OR2C3: variants seen among roughly 807,000 people sequenced by gnomAD.
OR2C3 encodes the protein olfactory receptor family 2 subfamily C member 3, also known as olfactory receptor 2C3.
For synonymous variants in OR2C3, 178 were observed against 163.4 expected, an observed-to-expected ratio of 1.09 and a Z score of -0.68; for missense variants, 425 against 401.5, an observed-to-expected ratio of 1.06 and a Z score of -0.50.
Position 247,531,756 on chromosome 1 carries a change from A to C in OR2C3, c.756T>G (p.Phe252Leu). Reference protein sequence around the residue: ...CSSHVAVVSLFYGSIIFMYLQ... With the variant: ...CSSHVAVVSLLYGSIIFMYLQ... The stretch of plus-strand genomic sequence containing the variant: ...GATACATGAAGATGATGCTCCCGTA[A>C]AACAGAGACACCACAGCCACGTGGG... The change falls in exon 3 of 3, where the codon TTT (phenylalanine) becomes TTG (leucine). Residue 252 changes from phenylalanine (F) to leucine (L), a missense_variant. By Grantham distance (22) the Phe-to-Leu change is conservative. Coordinates refer to ENST00000641802, the MANE Select transcript of OR2C3 (RefSeq NM_198074.6). 6.2e-7 allele frequency: 1 copy of C among 1,614,168 alleles called. No homozygotes were observed. The highest frequency in any genetic ancestry group is 8.5e-7 in the Non-Finnish European group (1 of 1,180,026).
chr1:247,532,088 A>C lies in OR2C3; in HGVS notation c.424T>G (p.Cys142Gly). Residue 142 changes from cysteine (C) to glycine (G), a missense_variant, in exon 3 of 3, where the codon TGC (cysteine) becomes GGC (glycine). Coordinates refer to ENST00000641802, the MANE Select transcript of OR2C3 (RefSeq NM_198074.6). The stretch of plus-strand genomic sequence containing the variant: ...CAGGAGGCCAAAGCTAGCCCAAGGC[A>C]AAGCTGTGGATGCATAATGACAGTG... Reference protein sequence around the residue: ...HYTVIMHPQLCLGLALASWLG... With the variant: ...HYTVIMHPQLGLGLALASWLG... The C allele has an allele frequency of 6.2e-7, 1 of 1,614,054 alleles. No individual in the cohort carries two copies. Among genetic ancestry groups the C allele is most frequent in the Non-Finnish European group, 8.5e-7 (1 of 1,179,950 alleles).
intron 2 of OR2C3, 54 bp from the exon 3 acceptor site, chr1:247,532,594 G>T: frequency 8.0e-7 from 1 of 1,247,974 alleles, no homozygotes; most frequent in Non-Finnish European, 1.1e-6. Context: ...AATTACATCA[G>T]TTAGCAAACA....
intron 1 of OR2C3, among the ~76,000 whole-genome samples, chr1:247,535,964 T>A (rs1041646628): frequency 3.3e-5 from 5 of 152,210 alleles, no homozygotes; most frequent in Non-Finnish European, 5.9e-5. Context: ...TTGTCTGAGT[T>A]AACTAGGCAG....
At position 247,533,555 on chromosome 1, in the gene OR2C3, G is replaced by C. The variant is rs12563814; in HGVS notation, c.-78C>G. 0.92 allele frequency: 139,843 copies of C among 152,252 alleles called. 64,529 individuals are homozygous for C. Among genetic ancestry groups the C allele is most frequent in the Non-Finnish European group, 0.96 (65,513 of 68,044 alleles). The allele number at this position is 152,252 out of a possible 1,614,324, so 9.4% of individuals were successfully genotyped here. A position where few individuals can be genotyped will look rare whatever the true frequency, so the allele number is the denominator to read the frequency against. On this transcript the variant is annotated 5_prime_UTR_variant, in exon 2 of 3. Coordinates refer to ENST00000641802, the MANE Select transcript of OR2C3 (RefSeq NM_198074.6). ...ACCTCCATTCCAGAGAGGTCTTATTGCATACCAAGAAAAAAGGAACACTGC... is the reference window on the plus strand; with the variant it reads ...ACCTCCATTCCAGAGAGGTCTTATTCCATACCAAGAAAAAAGGAACACTGC...
At position 247,530,565 on chromosome 1, in the gene OR2C3, T is replaced by C. The variant is rs1666890513; in HGVS notation, c.*984A>G. 1 of 148,904 alleles carries C rather than the reference T, an allele frequency of 6.7e-6. No homozygotes were observed. The highest frequency in any genetic ancestry group is 1.5e-5 in the Non-Finnish European group (1 of 67,046). The allele number at this position is 148,904 out of a possible 1,614,324, so 9.2% of individuals were successfully genotyped here. A position where few individuals can be genotyped will look rare whatever the true frequency, so the allele number is the denominator to read the frequency against. On this transcript the variant is annotated 3_prime_UTR_variant, in exon 3 of 3. Coordinates refer to ENST00000641802, the MANE Select transcript of OR2C3 (RefSeq NM_198074.6). ...TCCTATGAATTTTAACAAAAAGTTA[T>C]TTACAAAATGTGTCATTTTACTACC...
chr1:247,536,044 T>C (rs2103013937), intron 1 of OR2C3, 124 bp downstream of exon 1: 1 of 152,274 alleles, frequency 6.6e-6, no homozygotes, highest in East Asian at 1.9e-4. Flanking sequence ...AATCAGATCA[T>C]TTAAACGGAT....
At position 247,532,316 on chromosome 1, in the gene OR2C3, T is replaced by C; in HGVS notation, c.196A>G (p.Asn66Asp). The C allele has an allele frequency of 6.2e-7, 1 of 1,614,150 alleles. No individual in the cohort carries two copies. Among genetic ancestry groups the C allele is most frequent in the Non-Finnish European group, 8.5e-7 (1 of 1,180,024 alleles). ...AAGCTCATGTCCAGGAAGGGGAGGTTGGCAAGAAAGAAGTACATAGGTGTG... is the reference window on the plus strand; with the variant it reads ...AAGCTCATGTCCAGGAAGGGGAGGTCGGCAAGAAAGAAGTACATAGGTGTG... ...LHTPMYFFLA[N>D]LPFLDMSFTT... is the part of the protein sequence containing the mutation. The change falls in exon 3 of 3, where the codon AAC becomes GAC. Residue 66 changes from asparagine to aspartate, a missense_variant. Transcript: ENST00000641802.
At position 247,530,522 on chromosome 1, in the gene OR2C3, C is replaced by CCCG. The variant is rs961972925; in HGVS notation, c.*1026_*1027insCGG. On this transcript the variant is annotated 3_prime_UTR_variant, in exon 3 of 3. Coordinates refer to ENST00000641802, the MANE Select transcript of OR2C3 (RefSeq NM_198074.6). ...AGTCCACAAACACCATGCCATCCCC[C>CCCG]CCCCACAAAATAACATTTCCTATGA... The CCCG allele has an allele frequency of 2.8e-5, 4 of 140,448 alleles. No individual in the cohort carries two copies. The highest frequency in any genetic ancestry group is 3.6e-3 in the Middle Eastern group (1 of 278). 8.7% of individuals were successfully genotyped at this position (140,448 alleles called of 1,614,324 possible).
chr1:247,532,987 C>T (rs1278327982), intron 2 of OR2C3, among the ~76,000 whole-genome samples: 1 of 152,078 alleles, frequency 6.6e-6, no homozygotes, highest in Non-Finnish European at 1.5e-5. Context: ...AAATGTTTAG[C>T]AATAAAGGGT....
In OR2C3 at chr1:247,531,765, C is replaced by T. The variant is rs1666972306; in HGVS notation, c.747G>A (p.Val249=). Reference sequence around the variant, plus strand: ...AGATGATGCTCCCGTAAAACAGAGACACCACAGCCACGTGGGAAGAACAGG... The same window carrying T: ...AGATGATGCTCCCGTAAAACAGAGATACCACAGCCACGTGGGAAGAACAGG... The part of the protein sequence containing the change: ...FNTCSSHVAV[V]SLFYGSIIFM... Residue 249 remains valine (V), a synonymous_variant, in exon 3 of 3, where the codon GTG becomes GTA. Transcript: ENST00000641802. 1.2e-6 allele frequency: 2 copies of T among 1,614,186 alleles called. No individual in the cohort carries two copies. Among genetic ancestry groups the T allele is most frequent in the East Asian group, 2.2e-5 (1 of 44,886 alleles).
At position 247,531,821 on chromosome 1, in the gene OR2C3, A is replaced by C. The variant is rs778690362; in HGVS notation, c.691T>G (p.Ser231Ala). ...HIARAVLKIR[S>A]AEGRRKAFNT... ...AATGCCTTTCTCCGCCCTTCTGCTG[A>C]CCTGATCTTCAACACGGCCCGGGCA... is the stretch of plus-strand genomic sequence containing the variant. Residue 231 changes from serine (S) to alanine (A), a missense_variant, in exon 3 of 3, where the codon TCA (serine) becomes GCA (alanine). Physicochemically the swap from Ser to Ala is moderately conservative, Grantham distance 99. Transcript: ENST00000641802. The C allele has an allele frequency of 5.6e-6, 9 of 1,614,144 alleles. No homozygotes were observed. In the Admixed American group the frequency reaches 1.5e-4, roughly 27 times the overall value.
In OR2C3 at chr1:247,531,698, C is replaced by G; in HGVS notation, c.814G>C (p.Gly272Arg). Residue 272 changes from glycine (G) to arginine (R), a missense_variant, in exon 3 of 3, where the codon GGC (glycine) becomes CGC (arginine). Gly to Arg is a moderately radical substitution (Grantham distance 125, BLOSUM62 -2). Coordinates refer to ENST00000641802, the MANE Select transcript of OR2C3 (RefSeq NM_198074.6). ...GTGTAGAACAGAGCTATGAACTTGC[C>G]CTGCTCATGGGAGGTGCTCTTGGCT... ...QPAKSTSHEQ[G>R]KFIALFYTVV... The G allele has an allele frequency of 6.2e-7, 1 of 1,614,148 alleles. No individual in the cohort carries two copies. The highest frequency in any genetic ancestry group is 8.5e-7 in the Non-Finnish European group (1 of 1,180,024).
rs1017431078 is a variant in OR2C3, at chr1:247,530,849, C to T, written c.*700G>A. The T allele has an allele frequency of 4.8e-5, 4 of 83,254 alleles. No homozygotes were observed. Among genetic ancestry groups the T allele is most frequent in the African/African-American group, 1.2e-4 (3 of 24,896 alleles). 5.2% of individuals were successfully genotyped at this position (83,254 alleles called of 1,614,324 possible). On this transcript the variant is annotated 3_prime_UTR_variant, in exon 3 of 3. Transcript: ENST00000641802. ...TCGCCCTCCACAGCCTAACGGCCTC[C>T]GGGCGCATTTGGGCGGCGCCATGTT...
chr1:247,532,600 A>G, intron 2 of OR2C3, 60 bp from the exon 3 acceptor site: 1 of 1,215,486 alleles, frequency 8.2e-7, no homozygotes, highest in Non-Finnish European at 1.2e-6. Context: ...ATCAGTTAGC[A>G]AACATTAAAA....
rs771595144 is a variant in OR2C3, at chr1:247,532,285, G to C, written c.227C>G (p.Thr76Arg). 3.7e-6 allele frequency: 6 copies of C among 1,614,072 alleles called. No individual in the cohort carries two copies. Among genetic ancestry groups the C allele is most frequent in the South Asian group, 3.3e-5 (3 of 91,088 alleles). Residue 76 changes from threonine to arginine, a missense_variant, in exon 3 of 3, where the codon ACG becomes AGG. Physicochemically the swap from Thr to Arg is moderately conservative, Grantham distance 71. Transcript: ENST00000641802. ...NLPFLDMSFT[T>R]SIVPQLLANL... ...AGCCAGGAGCTGTGGGACAATGCTC[G>C]TGGTGAAGCTCATGTCCAGGAAGGG...
At position 247,532,582 on chromosome 1, in the gene OR2C3, G is replaced by A. The variant is rs1471880364; in HGVS notation, c.-29-42C>T. The A allele has an allele frequency of 7.3e-6, 10 of 1,372,652 alleles. 1 individual carries two copies. The African/African-American group carries it at 1.0e-4, about 14-fold the overall frequency. 85.0% of individuals were successfully genotyped at this position (1,372,652 alleles called of 1,614,324 possible). Reference sequence around the variant, plus strand: ...GGGCATACAGGGCATGAGACATGAAGCAATTACATCAGTTAGCAAACATTA... The same window carrying A: ...GGGCATACAGGGCATGAGACATGAAACAATTACATCAGTTAGCAAACATTA... On this transcript the variant is annotated intron_variant, in intron 2 of 2. Coordinates refer to ENST00000641802, the MANE Select transcript of OR2C3 (RefSeq NM_198074.6).
chr1:247,533,207 C>A (rs1667079353), intron 2 of OR2C3, among the ~76,000 whole-genome samples: 1 of 152,178 alleles, frequency 6.6e-6, no homozygotes, highest in Non-Finnish European at 1.5e-5. Context: ...TAACTCATCT[C>A]TCTGCTTCTC....
In OR2C3 at chr1:247,525,903, CAAGGATTTTAGTAGT is replaced by C. The variant is rs1666663989; in HGVS notation, c.*5631_*5645del. On this transcript the variant is annotated 3_prime_UTR_variant, in exon 3 of 3. Coordinates refer to ENST00000641802, the MANE Select transcript of OR2C3 (RefSeq NM_198074.6). Reference sequence around the variant, plus strand: ...CATACAAGTACCACTTTAAGGAATCCAAGGATTTTAGTAGTTGTATGCCTGGAAACCTGTTGAAGA... The same window carrying C: ...CATACAAGTACCACTTTAAGGAATCCTGTATGCCTGGAAACCTGTTGAAGA... The C allele has an allele frequency of 6.6e-6, 1 of 152,158 alleles. No homozygotes were observed. The highest frequency in any genetic ancestry group is 6.5e-5 in the Admixed American group (1 of 15,276). 9.4% of individuals were successfully genotyped at this position (152,158 alleles called of 1,614,324 possible).
chr1:247,532,608 A>G (rs1667031839), intron 2 of OR2C3, 68 bp from the exon 3 acceptor site: 2 of 1,169,324 alleles, frequency 1.7e-6, no homozygotes, highest in Admixed American at 4.7e-5. Flanking sequence ...GCAAACATTA[A>G]AAGTGTATTT....
Sources: gnomAD v4.1 joint callset for allele counts (sites outside exome capture counted in the v4.1 genomes callset) on GRCh38, gnomAD v4.1.1 for gene constraint, MANE v1.5 for transcripts, NCBI Gene and HGNC (gene_info 2026-07-23, HGNC 2026-07-21) for gene names.